The following LPP variants were observed in gnomAD, a reference collection of about 807,000 sequenced individuals.
The protein encoded by LPP is lipoma-preferred partner.
Under a neutral mutation model 60.4 loss-of-function variants are expected in LPP, and 38 were observed. The observed-to-expected ratio is 0.63, with a 90% CI of 0.49 to 0.83. The LOEUF is 0.83. Among genes scored for constraint, LPP ranks in the 40% least tolerant of loss-of-function variants. The pLI is 0.00. For missense variants in LPP, 902 were observed against 783.6 expected, an observed-to-expected ratio of 1.15 and a Z score of -1.80; for synonymous variants, 328 against 290.8, an observed-to-expected ratio of 1.13 and a Z score of -1.30.
intron 4 of LPP, among the ~76,000 whole-genome samples, chr3:188,419,649 T>C (rs74508197): frequency 6.6e-6 from 1 of 152,178 alleles, no homozygotes; most frequent in Non-Finnish European, 1.5e-5. Context: ...TCCCAGCACT[T>C]TGGGAGGCCA....
intron 9 of LPP, among the ~76,000 whole-genome samples, chr3:188,857,964 G>A (rs1314582780): frequency 6.6e-6 from 1 of 152,116 alleles, no homozygotes; most frequent in Admixed American, 6.5e-5. Context: ...TATATAGTCA[G>A]GACTGGGTTC....
At chr3:188,361,904 A>C (rs962846715) in intron 3 of LPP, among the ~76,000 whole-genome samples, 7 of 152,070 alleles carry the variant, frequency 4.6e-5, no homozygotes, top group African/African-American at 1.7e-4. Context: ...TCTATTCCTC[A>C]AGTGCTTACT....
At chr3:188,255,669 C>T (rs1333468860) in intron 2 of LPP, among the ~76,000 whole-genome samples, 1 of 152,140 alleles carries the variant, frequency 6.6e-6, no homozygotes, top group African/African-American at 2.4e-5. Flanking sequence ...AATGAAAATT[C>T]TGGTTTTCTG....
At chr3:188,508,715 G>A (rs967580365) in intron 5 of LPP, among the ~76,000 whole-genome samples, 2 of 152,328 alleles carry the variant, frequency 1.3e-5, no homozygotes, top group Middle Eastern at 3.4e-3. Flanking sequence ...GGCACTGCGG[G>A]TGAGAACACA....
intron 7 of LPP, among the ~76,000 whole-genome samples, chr3:188,665,808 C>T (rs752314241): frequency 1.1e-4 from 16 of 152,154 alleles, no homozygotes; most frequent in Non-Finnish European, 1.2e-4. Context: ...AAGCACATGT[C>T]TTGAGACTAA....
At position 188,752,368 on chromosome 3, in the gene LPP, A is replaced by C. The variant is rs77727805; in HGVS notation, c.1241-7745A>C. ...GAAGACAAGGAAATTCGGGCTCAGA[A>C]AATTTAGGAAACTTGTCTAGGCTGC... On this transcript the variant is annotated intron_variant, in intron 8 of 11. Coordinates refer to ENST00000617246, the MANE Select transcript of LPP (RefSeq NM_001375462.1). 3.3e-4 allele frequency among the ~76,000 whole-genome samples: 50 copies of C among 152,338 alleles called. No homozygotes were observed. In the South Asian group the frequency reaches 5.6e-3, roughly 17 times the overall value.
At chr3:188,183,394 A>G (rs146198934) in intron 1 of LPP, among the ~76,000 whole-genome samples, 14 of 152,228 alleles carry the variant, frequency 9.2e-5, no homozygotes, top group East Asian at 5.8e-4. Flanking sequence ...TTGTAGAGTC[A>G]TGGGCAGCAC....
chr3:188,157,629 AG>A (rs1716898673), intron 1 of LPP, among the ~76,000 whole-genome samples: 1 of 152,150 alleles, frequency 6.6e-6, no homozygotes, highest in Non-Finnish European at 1.5e-5. Flanking sequence ...GAGCGTACAA[AG>A]ATGAGGTGTA....
intron 2 of LPP, among the ~76,000 whole-genome samples, chr3:188,320,449 A>T (rs1175704321): frequency 6.6e-6 from 1 of 152,148 alleles, no homozygotes; most frequent in African/African-American, 2.4e-5. Flanking sequence ...GTGTATACTT[A>T]CCCAGTAAAC....
chr3:188,364,143 G>A (rs1770403190), intron 3 of LPP, among the ~76,000 whole-genome samples: 1 of 152,080 alleles, frequency 6.6e-6, no homozygotes, highest in Admixed American at 6.5e-5. Context: ...GGGATTCAGA[G>A]TTATTACCAA....
Position 188,885,377 on chromosome 3 carries a change from A to C in LPP, c.*10898A>C. 5.2e-6 allele frequency: 1 copy of C among 193,982 alleles called. No individual in the cohort carries two copies. The highest frequency in any genetic ancestry group is 1.1e-5 in the Non-Finnish European group (1 of 92,916). 12.0% of individuals were successfully genotyped at this position (193,982 alleles called of 1,614,324 possible). On this transcript the variant is annotated 3_prime_UTR_variant, in exon 12 of 12. Coordinates refer to ENST00000617246, the MANE Select transcript of LPP (RefSeq NM_001375462.1). ...TAATGAGAGCCAAGTTAAATAGCAA[A>C]TGACTTCTCACCCCTTCCTAGTCCT... is the stretch of plus-strand genomic sequence containing the variant.
intron 9 of LPP, among the ~76,000 whole-genome samples, chr3:188,813,801 G>A (rs1751721131): frequency 2.6e-5 from 4 of 152,110 alleles, no homozygotes; most frequent in Admixed American, 1.3e-4. Flanking sequence ...TGGGCAGAGT[G>A]GCTCATAACT....
intron 3 of LPP, among the ~76,000 whole-genome samples, chr3:188,347,940 A>C (rs765370481): frequency 6.6e-6 from 1 of 152,220 alleles, no homozygotes; most frequent in Non-Finnish European, 1.5e-5. Flanking sequence ...AAACAAGAAC[A>C]AGGCTTTATA....
chr3:188,800,136 C>T (rs1746587064), intron 9 of LPP, among the ~76,000 whole-genome samples: 1 of 146,274 alleles, frequency 6.8e-6, no homozygotes, highest in African/African-American at 2.5e-5. Context: ...CCGTAACTCC[C>T]TTAGTCATTT....
intron 9 of LPP, among the ~76,000 whole-genome samples, chr3:188,841,396 T>TC (rs1251990534): frequency 7.1e-6 from 1 of 141,512 alleles, no homozygotes; most frequent in Non-Finnish European, 1.5e-5. Context: ...TGAATTTGTT[T>TC]TTTTTTTTTT....
At position 188,352,283 on chromosome 3, in the gene LPP, G is replaced by A. The variant is rs1208211036; in HGVS notation, c.-10+10564G>A. Reference sequence around the variant, plus strand: ...ATGATATTAACGAGGTTTGATTGCTGTTCTGAAATGTGGCAGCTGCGCACA... The same window carrying A: ...ATGATATTAACGAGGTTTGATTGCTATTCTGAAATGTGGCAGCTGCGCACA... On this transcript the variant is annotated intron_variant, in intron 3 of 11. Transcript: ENST00000617246. The surrounding 1 kb of genome is among the most constrained non-coding windows in gnomAD (Gnocchi z 4.4). 6.6e-6 allele frequency among the ~76,000 whole-genome samples: 1 copy of A among 152,196 alleles called. No individual in the cohort carries two copies. The highest frequency in any genetic ancestry group is 1.5e-5 in the Non-Finnish European group (1 of 68,038).
At chr3:188,570,112 T>C (rs1017663257) in intron 6 of LPP, among the ~76,000 whole-genome samples, 1 of 151,896 alleles carries the variant, frequency 6.6e-6, no homozygotes, top group Non-Finnish European at 1.5e-5. Context: ...TTCTAACTTC[T>C]GCATGCAATT....
chr3:188,515,522 C>T (rs1315162874), intron 5 of LPP, among the ~76,000 whole-genome samples: 1 of 152,140 alleles, frequency 6.6e-6, no homozygotes, highest in Non-Finnish European at 1.5e-5. Context: ...TGTGCTTTAT[C>T]ATGAAAAACT....
chr3:188,371,693 C>T (rs1305104906), intron 3 of LPP, among the ~76,000 whole-genome samples: 7 of 103,254 alleles, frequency 6.8e-5, no homozygotes, highest in Non-Finnish European at 1.2e-4. Flanking sequence ...TTGCTCTTGT[C>T]GCCCAGGCTG....
Sources: allele counts gnomAD v4.1 joint callset (sites outside exome capture counted in the v4.1 genomes callset), GRCh38; gene constraint gnomAD v4.1.1; non-coding constraint Gnocchi (gnomAD v3.1); transcripts MANE v1.5; gene names NCBI Gene and HGNC (gene_info 2026-07-23, HGNC 2026-07-21).